Variants in DCLK1 observed in about 807,000 individuals in gnomAD.
The protein encoded by DCLK1 is doublecortin like kinase 1, also known as serine/threonine-protein kinase DCLK1.
A neutral mutation model predicts 86.2 loss-of-function variants in DCLK1; 16 were observed. That is an observed-to-expected ratio of 0.19 (90% CI 0.13 to 0.28). The LOEUF (loss-of-function observed/expected upper bound fraction) is 0.28. Among genes scored for constraint, DCLK1 ranks in the 10% least tolerant of loss-of-function variants. The pLI, the probability that DCLK1 is intolerant of heterozygous loss-of-function variation, is 1.00. For missense variants in DCLK1, 590 were observed against 940.2 expected, an observed-to-expected ratio of 0.63 and a Z score of 4.87; for synonymous variants, 369 against 370.5, an observed-to-expected ratio of 1.00 and a Z score of 0.05.
At position 36,034,063 on chromosome 13, in the gene DCLK1, G is replaced by A. The variant is rs536487529; in HGVS notation, c.723+77806C>T. ...CATAGAAAAAGCAGGAGCCAGGAGG[G>A]AAGGTCTTTGTCCAGGCCTGGCCAG... On this transcript the variant is annotated intron_variant, in intron 3 of 16. Transcript: ENST00000360631. Among the ~76,000 whole-genome samples, 3 of 152,286 alleles carry A rather than the reference G, an allele frequency of 2.0e-5. No homozygotes were observed. The South Asian group carries it at 6.2e-4, about 32-fold the overall frequency.
chr13:35,822,668 A>C, intron 11 of DCLK1, 61 bp downstream of exon 11: 377 of 1,184,518 alleles, frequency 3.2e-4, no homozygotes, highest in Non-Finnish European at 4.3e-4. Flanking sequence ...AAAAAGAAAT[A>C]TTCATATTCC....
intron 6 of DCLK1, chr13:35,849,189 T>C (rs1213931973): frequency 6.1e-6 from 6 of 985,238 alleles, no homozygotes; most frequent in African/African-American, 1.7e-5. Context: ...AATATTTTAT[T>C]CACTTGTAAA....
chr13:36,130,282 G>A (rs74044531), intron 1 of DCLK1, among the ~76,000 whole-genome samples: 16,139 of 152,070 alleles, frequency 0.11, 1,245 homozygotes, highest in African/African-American at 0.22. Context: ...ATGTATTCAC[G>A]GAACAGCCTG....
intron 4 of DCLK1, among the ~76,000 whole-genome samples, chr13:35,921,733 T>C (rs1479663481): frequency 1.3e-5 from 2 of 151,974 alleles, no homozygotes; most frequent in Admixed American, 6.6e-5. Context: ...CGCTAAAGAA[T>C]CTCCCACAGT....
At chr13:35,973,493 A>G (rs968401343) in intron 3 of DCLK1, among the ~76,000 whole-genome samples, 1 of 152,124 alleles carries the variant, frequency 6.6e-6, no homozygotes, top group Non-Finnish European at 1.5e-5. Context: ...CTCCTCTCTA[A>G]CAAGGCATGC....
intron 5 of DCLK1, among the ~76,000 whole-genome samples, chr13:35,869,510 G>A (rs1306671995): frequency 6.6e-6 from 1 of 152,172 alleles, no homozygotes; most frequent in African/African-American, 2.4e-5. Flanking sequence ...ATTGCTACTT[G>A]GAGGCAAACA....
intron 6 of DCLK1, among the ~76,000 whole-genome samples, chr13:35,845,131 C>T (rs1474992150): frequency 6.6e-6 from 1 of 152,124 alleles, no homozygotes; most frequent in African/African-American, 2.4e-5. Flanking sequence ...ACCTGTAATT[C>T]TAGCTACTCA....
At chr13:36,065,459 CT>C (rs2153160134) in intron 3 of DCLK1, among the ~76,000 whole-genome samples, 1 of 152,288 alleles carries the variant, frequency 6.6e-6, no homozygotes, top group Non-Finnish European at 1.5e-5. Context: ...GATCCAAGGC[CT>C]CTTAGCTTTT....
chr13:35,784,544 T>A (rs2086585284), intron 16 of DCLK1, among the ~76,000 whole-genome samples: 1 of 152,228 alleles, frequency 6.6e-6, no homozygotes, highest in Admixed American at 6.5e-5. Flanking sequence ...AGCTCATGCT[T>A]GGGTACAAGG....
chr13:35,811,798 C>A (rs541811571), intron 11 of DCLK1, among the ~76,000 whole-genome samples: 28 of 151,544 alleles, frequency 1.8e-4, no homozygotes, highest in Admixed American at 9.2e-4. Flanking sequence ...CAAGCCATTG[C>A]ACTCCAGCCT....
At chr13:35,854,813 T>A (rs1870930813) in intron 5 of DCLK1, among the ~76,000 whole-genome samples, 1 of 152,222 alleles carries the variant, frequency 6.6e-6, no homozygotes, top group Non-Finnish European at 1.5e-5. Flanking sequence ...GTTACAGAAT[T>A]ATTTTTTAAG....
At chr13:35,873,832 A>G (rs1872441155) in intron 4 of DCLK1, among the ~76,000 whole-genome samples, 2 of 152,162 alleles carry the variant, frequency 1.3e-5, no homozygotes, top group South Asian at 4.1e-4. Context: ...ATTGCCAGTA[A>G]AGTTGTACAT....
chr13:36,112,789 T>A (rs1885661485), intron 2 of DCLK1, among the ~76,000 whole-genome samples: 1 of 152,240 alleles, frequency 6.6e-6, no homozygotes, highest in Admixed American at 6.5e-5. Flanking sequence ...CCACACATAC[T>A]ATAAGGTCAA....
chr13:35,830,041 G>A (rs1403667572), intron 8 of DCLK1, among the ~76,000 whole-genome samples: 2 of 152,162 alleles, frequency 1.3e-5, no homozygotes, highest in South Asian at 2.1e-4. Flanking sequence ...CAAGACTGTG[G>A]GGTAGAGGAG....
intron 6 of DCLK1, chr13:35,850,133 T>C (rs1870501041): frequency 1.0e-5 from 10 of 985,232 alleles, no homozygotes; most frequent in African/African-American, 1.7e-5. Flanking sequence ...TTCTCTCGGA[T>C]GTACTAACCC....
intron 3 of DCLK1, among the ~76,000 whole-genome samples, chr13:36,008,750 G>A (rs906474530): frequency 6.6e-6 from 1 of 151,162 alleles, no homozygotes; most frequent in Admixed American, 6.6e-5. Flanking sequence ...GTAATGGGAT[G>A]GCTGGGTCAA....
chr13:36,044,325 G>A lies in DCLK1; in HGVS notation c.723+67544C>T, dbSNP rs143976635. 1.7e-3 allele frequency among the ~76,000 whole-genome samples: 254 copies of A among 152,192 alleles called. 1 individual carries two copies. Among genetic ancestry groups the A allele is most frequent in the African/African-American group, 5.8e-3 (239 of 41,536 alleles). The stretch of plus-strand genomic sequence containing the variant: ...GTCTCTGATATTGCTTTATAACAAT[G>A]CAAAATGGACTAACACACTCATGAA... On this transcript the variant is annotated intron_variant, in intron 3 of 16. Coordinates refer to ENST00000360631, the MANE Select transcript of DCLK1 (RefSeq NM_001330071.2).
intron 16 of DCLK1, among the ~76,000 whole-genome samples, chr13:35,781,764 T>G (rs765316675): frequency 6.6e-6 from 1 of 152,242 alleles, no homozygotes; most frequent in Admixed American, 6.5e-5. Flanking sequence ...GAACTGGGGA[T>G]GCAGCTGCTG....
intron 10 of DCLK1, among the ~76,000 whole-genome samples, chr13:35,826,567 T>G (rs1314974947): frequency 1.6e-5 from 1 of 64,172 alleles, no homozygotes; most frequent in African/African-American, 4.2e-5. Flanking sequence ...AAGAAACAAG[T>G]CCTAATTTGA....
Sources: allele counts gnomAD v4.1 joint callset (sites outside exome capture counted in the v4.1 genomes callset), GRCh38; gene constraint gnomAD v4.1.1; transcripts MANE v1.5; gene names NCBI Gene and HGNC (gene_info 2026-07-23, HGNC 2026-07-21).